Variants in CUL5 observed in about 807,000 individuals in gnomAD.
The protein encoded by CUL5 is cullin-5.
In CUL5, 26 loss-of-function variants were observed where a neutral mutation model predicts 108.8. That is an observed-to-expected ratio of 0.24 (90% confidence interval 0.18 to 0.33). The LOEUF (loss-of-function observed/expected upper bound fraction) is 0.33. Ranked by LOEUF, CUL5 falls within the 10% of genes least tolerant of loss-of-function variation. The probability of loss-of-function intolerance (pLI) is 1.00; values close to 1 mark genes in which losing one functional copy is unlikely to be tolerated. For missense variants in CUL5, 524 were observed against 909.2 expected (o/e 0.58, Z 5.45); for synonymous variants, 334 against 298.0 (o/e 1.12, Z -1.25).
chr11:108,082,602 T>C (rs894981882), intron 11 of CUL5, among the ~76,000 whole-genome samples: 9 of 152,038 alleles, frequency 5.9e-5, no homozygotes, highest in African/African-American at 2.2e-4. Flanking sequence ...AATTTTCTTC[T>C]GGATTGTTCC....
At chr11:108,078,499 CACTA>C (rs1267614513) in intron 11 of CUL5, among the ~76,000 whole-genome samples, 1 of 151,834 alleles carries the variant, frequency 6.6e-6, no homozygotes, top group Non-Finnish European at 1.5e-5. Context: ...CCTCATTAGT[CACTA>C]AAAGTATTCT....
At chr11:108,029,799 A>G (rs1465683373) in intron 1 of CUL5, among the ~76,000 whole-genome samples, 3 of 152,322 alleles carry the variant, frequency 2.0e-5, no homozygotes, top group Admixed American at 6.5e-5. Flanking sequence ...GGTACTTAAC[A>G]ATGTCTATTA....
chr11:108,094,208 C>G (rs1591332581), intron 13 of CUL5, among the ~76,000 whole-genome samples, 183 bp from the exon 14 acceptor site: 1 of 152,098 alleles, frequency 6.6e-6, no homozygotes, highest in Non-Finnish European at 1.5e-5. Flanking sequence ...GCAGGGACCC[C>G]TTGTAATACC....
chr11:108,058,930 T>A (rs1475939692), intron 7 of CUL5, among the ~76,000 whole-genome samples: 1 of 152,200 alleles, frequency 6.6e-6, no homozygotes, highest in African/African-American at 2.4e-5. Flanking sequence ...CGAGCTGTGC[T>A]GCTGAACAGG....
intron 1 of CUL5, among the ~76,000 whole-genome samples, chr11:108,026,193 C>T (rs1339190826): frequency 2.0e-5 from 3 of 152,110 alleles, no homozygotes; most frequent in African/African-American, 4.8e-5. Flanking sequence ...AAGTGTACAA[C>T]CCTGGTTAAA....
chr11:108,064,574 G>T (rs950642523), intron 7 of CUL5, among the ~76,000 whole-genome samples: 2 of 152,114 alleles, frequency 1.3e-5, no homozygotes, highest in African/African-American at 4.8e-5. Context: ...AGCGGGCGAG[G>T]TGTCAGGTGC....
At chr11:108,102,082 T>C (rs7117027) in intron 18 of CUL5, among the ~76,000 whole-genome samples, 148,240 of 152,100 alleles carry the variant, frequency 0.97, 72,342 homozygotes, top group Middle Eastern at 1. Flanking sequence ...GGTGCAATGG[T>C]GTGATCTTGG....
chr11:108,065,716 C>G (rs1251112062), intron 7 of CUL5, among the ~76,000 whole-genome samples: 5 of 152,192 alleles, frequency 3.3e-5, no homozygotes, highest in Admixed American at 3.3e-4. Flanking sequence ...CTTTCCTACC[C>G]TCTTCAGTGC....
In CUL5 at chr11:108,089,485, C is replaced by T. The variant is rs1394756651; in HGVS notation, c.1312-7C>T. On this transcript the variant is annotated splice_region_variant and splice_polypyrimidine_tract_variant and intron_variant, in intron 12 of 18. Transcript: ENST00000393094. ...AAGAACTGAAAGTAACTTTATTTTT[C>T]ATACAGCTCTTGGTACTTAAGTATG... 1.3e-6 allele frequency: 2 copies of T among 1,535,240 alleles called. No homozygotes were observed.
chr11:108,073,762 T>C lies in CUL5; in HGVS notation c.1113+265T>C, dbSNP rs1042834487. The C allele has an allele frequency of 2.9e-5, 6 of 209,362 alleles. No homozygotes were observed. The East Asian group carries it at 6.8e-4, about 24-fold the overall frequency. 13.0% of individuals were successfully genotyped at this position (209,362 alleles called of 1,614,324 possible). On this transcript the variant is annotated intron_variant, in intron 10 of 18. Coordinates refer to ENST00000393094, the MANE Select transcript of CUL5 (RefSeq NM_003478.6). The stretch of plus-strand genomic sequence containing the variant: ...AGAATGTTTTTCTGTTTTTGAATAT[T>C]ACTGATCTATTGAATTCCTATTCAT...
rs564526400 is a variant in CUL5, at chr11:108,031,766, C to T, written c.25-2036C>T. ...TCACTCTAACAAAGACGTGAAATCA[C>T]CCCCAATGCCCATCAATGATAGACT... On this transcript the variant is annotated intron_variant, in intron 1 of 18. Transcript: ENST00000393094. 5.3e-5 allele frequency among the ~76,000 whole-genome samples: 8 copies of T among 152,244 alleles called. No homozygotes were observed. In the East Asian group the frequency reaches 1.4e-3, roughly 26 times the overall value.
At chr11:108,078,443 T>TA (rs375302722) in intron 11 of CUL5, among the ~76,000 whole-genome samples, 3,667 of 149,356 alleles carry the variant, frequency 0.025, 155 homozygotes, top group African/African-American at 0.084. Flanking sequence ...TTTTTTCAGG[T>TA]AAAAAAAAAA....
intron 10 of CUL5, among the ~76,000 whole-genome samples, chr11:108,076,477 C>T (rs1470536674): frequency 1.3e-5 from 2 of 152,164 alleles, no homozygotes; most frequent in African/African-American, 4.8e-5. Context: ...ACTACTCTTT[C>T]ATTCCTCTTT....
intron 3 of CUL5, 108 bp downstream of exon 3, chr11:108,046,477 T>G (rs1863069394): frequency 3.3e-6 from 2 of 600,522 alleles, no homozygotes. Context: ...AATATTGCAT[T>G]GACTTTTGAC....
chr11:108,035,208 A>T (rs1370922124), intron 2 of CUL5, among the ~76,000 whole-genome samples: 1 of 151,970 alleles, frequency 6.6e-6, no homozygotes, highest in Non-Finnish European at 1.5e-5. Context: ...AAGGGGCTAC[A>T]CTCTTTGTGA....
intron 10 of CUL5, among the ~76,000 whole-genome samples, chr11:108,076,522 A>G (rs1446281680): frequency 6.6e-6 from 1 of 152,122 alleles, no homozygotes; most frequent in Non-Finnish European, 1.5e-5. Flanking sequence ...TTCTACCTAT[A>G]AGTGAGATCA....
chr11:108,075,857 A>G (rs1429868074), intron 10 of CUL5, among the ~76,000 whole-genome samples: 1 of 151,882 alleles, frequency 6.6e-6, no homozygotes, highest in Non-Finnish European at 1.5e-5. Context: ...AGAACTCTTC[A>G]CCCGCACTGA....
chr11:108,050,148 T>G (rs964086815), intron 4 of CUL5, 82 bp downstream of exon 4: 4 of 1,207,170 alleles, frequency 3.3e-6, no homozygotes, highest in Non-Finnish European at 4.6e-6. Flanking sequence ...ATTTGAACTT[T>G]TAAGTGGGTT....
intron 1 of CUL5, among the ~76,000 whole-genome samples, chr11:108,015,137 G>A (rs1862149432): frequency 6.6e-6 from 1 of 152,144 alleles, no homozygotes; most frequent in Admixed American, 6.5e-5. Context: ...GACCTTAAGT[G>A]ATCCTCCCAC....
Sources: gnomAD v4.1 joint callset for allele counts (sites outside exome capture counted in the v4.1 genomes callset) on GRCh38, gnomAD v4.1.1 for gene constraint, MANE v1.5 for transcripts, NCBI Gene and HGNC (gene_info 2026-07-23, HGNC 2026-07-21) for gene names.